Variants in TMEM236 observed in about 807,000 individuals in gnomAD.
TMEM236 encodes the protein transmembrane protein 236.
Under a neutral mutation model 14.7 loss-of-function variants are expected in TMEM236, and 11 were observed. The ratio of observed to expected loss-of-function variants is 0.75; its 90% CI spans 0.47 to 1.24. The LOEUF is 1.24. Among genes scored for constraint, TMEM236 ranks in the 50% most tolerant of loss-of-function variants. TMEM236 has a pLI of 0.00. For synonymous variants in TMEM236, 182 were observed against 168.6 expected (o/e 1.08, Z -0.62); for missense variants, 464 against 427.3 (o/e 1.09, Z -0.76).
intron 3 of TMEM236, among the ~76,000 whole-genome samples, chr10:17,783,952 T>C (rs1350408626): frequency 6.6e-6 from 1 of 152,186 alleles, no homozygotes; most frequent in African/African-American, 2.4e-5. Flanking sequence ...TACTTCCTTT[T>C]TTTTTCCTGC....
intron 3 of TMEM236, 37 bp downstream of exon 3, chr10:17,776,207 TTGATA>T: frequency 6.3e-7 from 1 of 1,588,614 alleles, no homozygotes; most frequent in Non-Finnish European, 8.6e-7. Context: ...TTTTTAAAGT[TTGATA>T]TATTTTTCAC....
intron 1 of TMEM236, among the ~76,000 whole-genome samples, chr10:17,762,616 T>TATATATATAC (rs1554834058): frequency 1.1e-4 from 6 of 54,206 alleles, no homozygotes; most frequent in Admixed American, 2.2e-4. Flanking sequence ...TATATATATA[T>TATATATATAC]ATACACACAT....
intron 1 of TMEM236, among the ~76,000 whole-genome samples, chr10:17,753,429 T>C (rs991833023): frequency 2.0e-5 from 3 of 152,102 alleles, no homozygotes; most frequent in Non-Finnish European, 2.9e-5. Flanking sequence ...CCCCGGTGTG[T>C]GTTGTTCCCC....
Position 17,752,677 on chromosome 10 carries a change from C to A in TMEM236, c.257+125C>A, listed in dbSNP as rs990687117. On this transcript the variant is annotated intron_variant, in intron 1 of 3. Coordinates refer to ENST00000377495, the MANE Select transcript of TMEM236 (RefSeq NM_001098844.3). The stretch of plus-strand genomic sequence containing the variant: ...CGCCTCCTGGGTTCAAGTGATTCTC[C>A]TGCCTCAGCCTCCTGAGTAGCTGGG... 4.3e-6 allele frequency: 4 copies of A among 926,180 alleles called. No individual in the cohort carries two copies. The Admixed American group carries it at 7.5e-5, about 17-fold the overall frequency. The allele number at this position is 926,180 out of a possible 1,614,324, so 57.4% of individuals were successfully genotyped here.
chr10:17,756,082 C>T (rs1045070123), intron 1 of TMEM236, among the ~76,000 whole-genome samples: 1 of 152,140 alleles, frequency 6.6e-6, no homozygotes, highest in East Asian at 1.9e-4. Flanking sequence ...GCCTGGGCAA[C>T]ATAGTGAGAC....
At chr10:17,757,599 A>C (rs1236323014) in intron 1 of TMEM236, among the ~76,000 whole-genome samples, 1 of 111,746 alleles carries the variant, frequency 8.9e-6, no homozygotes, top group African/African-American at 3.6e-5. Context: ...ACCCTGTCTC[A>C]AAAAAAAAAA....
intron 3 of TMEM236, among the ~76,000 whole-genome samples, chr10:17,792,592 C>A (rs889801285): frequency 7.9e-5 from 12 of 152,190 alleles, no homozygotes; most frequent in African/African-American, 2.9e-4. Flanking sequence ...TACTTAGCCT[C>A]TTGTCTGCTA....
intron 1 of TMEM236, among the ~76,000 whole-genome samples, chr10:17,765,973 A>C (rs1837455961): frequency 6.6e-6 from 1 of 152,172 alleles, no homozygotes. Flanking sequence ...CCTTCATTTC[A>C]TCTTACCTCT....
rs948601882 is a variant in TMEM236, at chr10:17,795,084, C to T, written c.473-837C>T. Among the ~76,000 whole-genome samples the T allele has an allele frequency of 9.7e-3, 1,477 of 152,204 alleles. 24 individuals carry two copies. Among genetic ancestry groups the T allele is most frequent in the African/African-American group, 0.03 (1,261 of 41,532 alleles). The stretch of plus-strand genomic sequence containing the variant: ...GATTCCCTCTTAGCACCAAACTTCA[C>T]GCCTGGAGATCTAGGGTATGGTAAT... On this transcript the variant is annotated intron_variant, in intron 3 of 3. Transcript: ENST00000377495.
At chr10:17,767,988 C>T (rs1167619267) in intron 1 of TMEM236, among the ~76,000 whole-genome samples, 1 of 150,600 alleles carries the variant, frequency 6.6e-6, no homozygotes, top group Non-Finnish European at 1.5e-5. Flanking sequence ...TGGCTTGCTG[C>T]AACCTCTGCC....
chr10:17,771,519 G>A lies in TMEM236; in HGVS notation c.330+138G>A. 3.7e-6 allele frequency: 3 copies of A among 814,258 alleles called. No individual in the cohort carries two copies. The South Asian group carries it at 4.5e-5, about 12-fold the overall frequency. The allele number at this position is 814,258 out of a possible 1,614,324, so 50.4% of individuals were successfully genotyped here. A position where few individuals can be genotyped will look rare whatever the true frequency, so the allele number is the denominator to read the frequency against. ...AATCTTCTTCCAGGTTGCAATATAT[G>A]TTATTTAAAGTACTGAGATCATTGT... On this transcript the variant is annotated intron_variant, in intron 2 of 3. Coordinates refer to ENST00000377495, the MANE Select transcript of TMEM236 (RefSeq NM_001098844.3).
chr10:17,763,426 C>T (rs1282343312), intron 1 of TMEM236, among the ~76,000 whole-genome samples: 1 of 151,542 alleles, frequency 6.6e-6, no homozygotes, highest in East Asian at 1.9e-4. Flanking sequence ...CCCTGTCTTT[C>T]TATTAAAAAA....
chr10:17,770,528 T>A (rs1837552648), intron 1 of TMEM236, among the ~76,000 whole-genome samples: 1 of 152,096 alleles, frequency 6.6e-6, no homozygotes, highest in African/African-American at 2.4e-5. Flanking sequence ...GGACTACAGG[T>A]GCTCGCCACC....
intron 1 of TMEM236, among the ~76,000 whole-genome samples, chr10:17,756,292 C>T (rs1837282967): frequency 6.6e-6 from 1 of 150,596 alleles, no homozygotes; most frequent in Non-Finnish European, 1.5e-5. Context: ...TACTTCACCT[C>T]ATAAAGTATT....
At chr10:17,760,693 G>A (rs1837349191) in intron 1 of TMEM236, among the ~76,000 whole-genome samples, 1 of 152,088 alleles carries the variant, frequency 6.6e-6, no homozygotes, top group South Asian at 2.1e-4. Flanking sequence ...CCTGAGACTG[G>A]GTAATTTATA....
intron 1 of TMEM236, among the ~76,000 whole-genome samples, chr10:17,767,719 G>A (rs782577264): frequency 0.17 from 25,468 of 151,888 alleles, 2,689 homozygotes; most frequent in African/African-American, 0.31. Context: ...TTCTGATGTG[G>A]ATGTTGGTAA....
chr10:17,774,876 C>T (rs931360399), intron 2 of TMEM236, among the ~76,000 whole-genome samples: 45 of 151,498 alleles, frequency 3.0e-4, no homozygotes, highest in Non-Finnish European at 4.9e-4. Context: ...CAGCTCACTG[C>T]GACCTCTGCC....
At chr10:17,794,970 G>C (rs1263939036) in intron 3 of TMEM236, among the ~76,000 whole-genome samples, 3 of 152,176 alleles carry the variant, frequency 2.0e-5, no homozygotes, top group African/African-American at 7.2e-5. Context: ...GGAGGTTGCA[G>C]TGAGCCGAGA....
intron 1 of TMEM236, among the ~76,000 whole-genome samples, chr10:17,770,153 G>A (rs940051519): frequency 5.9e-5 from 9 of 152,100 alleles, no homozygotes; most frequent in Non-Finnish European, 1.0e-4. Context: ...ATGTTGCTGC[G>A]AAGGACATGA....
Sources: gnomAD v4.1 joint callset for allele counts (sites outside exome capture counted in the v4.1 genomes callset) on GRCh38, gnomAD v4.1.1 for gene constraint, MANE v1.5 for transcripts, NCBI Gene and HGNC (gene_info 2026-07-23, HGNC 2026-07-21) for gene names.